SF3B3: variants seen among roughly 807,000 people sequenced by gnomAD.
SF3B3 encodes SAP 130.
In SF3B3, 33 loss-of-function variants were observed where a neutral mutation model predicts 139.2. The ratio of observed to expected loss-of-function variants is 0.24; its 90% CI spans 0.18 to 0.32. SF3B3 has a LOEUF of 0.32. Ranked by LOEUF, SF3B3 falls within the 10% of genes least tolerant of loss-of-function variation. SF3B3 has a pLI of 1.00. For missense variants in SF3B3, 818 were observed against 1,509.4 expected, an observed-to-expected ratio of 0.54 and a Z score of 7.59; for synonymous variants, 596 against 563.6, an observed-to-expected ratio of 1.06 and a Z score of -0.81.
chr16:70,549,710 G>C (rs1256577271), intron 11 of SF3B3, among the ~76,000 whole-genome samples: 1 of 152,176 alleles, frequency 6.6e-6, no homozygotes, highest in African/African-American at 2.4e-5. Context: ...CGGATCATCT[G>C]AGGTCAGAGT....
At position 70,544,492 on chromosome 16, in the gene SF3B3, G is replaced by A; in HGVS notation, c.1288G>A (p.Gly430Arg). The stretch of plus-strand genomic sequence containing the variant: ...ACAGTTGTATGTGGCCTGTGGTAGG[G>A]GACCCCGATCATCTCTGAGAGTCCT... ...TPQLYVACGR[G>R]PRSSLRVLRH... Residue 430 changes from glycine to arginine, a missense_variant, in exon 10 of 26, where the codon GGA becomes AGA. Coordinates refer to ENST00000302516, the MANE Select transcript of SF3B3 (RefSeq NM_012426.5). 1 of 1,612,820 alleles carries A rather than the reference G, an allele frequency of 6.2e-7. No individual in the cohort carries two copies. Among genetic ancestry groups the A allele is most frequent in the Non-Finnish European group, 8.5e-7 (1 of 1,178,846 alleles).
chr16:70,572,226 A>G lies in SF3B3; in HGVS notation c.*413A>G. 2.3e-6 allele frequency: 1 copy of G among 436,154 alleles called. No homozygotes were observed. Among genetic ancestry groups the G allele is most frequent in the Non-Finnish European group, 4.6e-6 (1 of 217,886 alleles). The allele number at this position is 436,154 out of a possible 1,614,324, so 27.0% of individuals were successfully genotyped here. A position where few individuals can be genotyped will look rare whatever the true frequency, so the allele number is the denominator to read the frequency against. On this transcript the variant is annotated 3_prime_UTR_variant, in exon 26 of 26. Transcript: ENST00000302516. Reference sequence around the variant, plus strand: ...GAGGCAGGCTGTGGTGGGACTGGGTAGGGTATAGTATCACTCCTGAGTTCC... The same window carrying G: ...GAGGCAGGCTGTGGTGGGACTGGGTGGGGTATAGTATCACTCCTGAGTTCC...
intron 2 of SF3B3, among the ~76,000 whole-genome samples, chr16:70,527,182 TTAGG>T (rs2050072545): frequency 6.6e-6 from 1 of 152,158 alleles, no homozygotes; most frequent in South Asian, 2.1e-4. Flanking sequence ...AAAATGCAGT[TTAGG>T]TAGGGAGTGC....
chr16:70,527,883 C>G (rs1039393281), intron 2 of SF3B3, among the ~76,000 whole-genome samples: 6 of 152,256 alleles, frequency 3.9e-5, no homozygotes, highest in Middle Eastern at 3.4e-3. Flanking sequence ...TCAAGCGATT[C>G]TCCTGCCTCA....
chr16:70,530,296 G>C (rs1292284973), intron 3 of SF3B3, among the ~76,000 whole-genome samples: 2 of 149,850 alleles, frequency 1.3e-5, no homozygotes, highest in African/African-American at 4.9e-5. Flanking sequence ...ACTGTGCCCA[G>C]CTCCACTATT....
Position 70,565,441 on chromosome 16 carries a change from C to G in SF3B3, c.2743C>G (p.Leu915Val). 2 of 1,614,158 alleles carry G rather than the reference C, an allele frequency of 1.2e-6. No homozygotes were observed. Among genetic ancestry groups the G allele is most frequent in the South Asian group, 2.2e-5 (2 of 91,078 alleles). Reference protein sequence around the residue: ...VLVGVAKDLILNPRSVAGGFV... With the variant: ...VLVGVAKDLIVNPRSVAGGFV... ...GGTGGGTGTGGCCAAGGACCTGATACTAAACCCCCGATCTGTGGCAGGGGG... is the reference window on the plus strand; with the variant it reads ...GGTGGGTGTGGCCAAGGACCTGATAGTAAACCCCCGATCTGTGGCAGGGGG... The change falls in exon 20 of 26, where the codon CTA becomes GTA. Residue 915 changes from leucine to valine, a missense_variant. Leu to Val is a conservative substitution (Grantham distance 32, BLOSUM62 1). Around this residue, in one of 14 missense-constraint regions of SF3B3, gnomAD observed 145 missense variants for 153.6 expected, o/e 0.94. Transcript: ENST00000302516.
intron 7 of SF3B3, 69 bp downstream of exon 7, chr16:70,538,529 T>G: frequency 1.5e-6 from 2 of 1,350,280 alleles, no homozygotes; most frequent in Non-Finnish European, 2.0e-6. Flanking sequence ...GGTAATACTT[T>G]ACAAGTTAAA....
intron 1 of SF3B3, among the ~76,000 whole-genome samples, chr16:70,526,286 C>T (rs983380647): frequency 2.0e-5 from 3 of 152,022 alleles, no homozygotes; most frequent in Non-Finnish European, 4.4e-5. Context: ...TGGCTCACCA[C>T]AACCTCCGCC....
chr16:70,538,646 G>T (rs555672857), intron 7 of SF3B3, among the ~76,000 whole-genome samples, 186 bp downstream of exon 7: 29 of 152,204 alleles, frequency 1.9e-4, no homozygotes, highest in Non-Finnish European at 3.2e-4. Context: ...CAATATAAGA[G>T]CGGCAATGCC....
At position 70,561,537 on chromosome 16, in the gene SF3B3, CT is replaced by C. The variant is rs2050428930; in HGVS notation, c.2134-92del. The stretch of plus-strand genomic sequence containing the variant: ...AGAATATCTTAGGATACTCTGCAGA[CT>C]GAAATTTGGGGATAGGGCTTTTGGT... On this transcript the variant is annotated intron_variant, in intron 16 of 25. Coordinates refer to ENST00000302516, the MANE Select transcript of SF3B3 (RefSeq NM_012426.5). The C allele has an allele frequency of 6.5e-6, 7 of 1,074,834 alleles. 1 individual carries two copies. Among genetic ancestry groups the C allele is most frequent in the Non-Finnish European group, 4.1e-6 (3 of 724,540 alleles). The allele number at this position is 1,074,834 out of a possible 1,614,324, so 66.6% of individuals were successfully genotyped here. A position where few individuals can be genotyped will look rare whatever the true frequency, so the allele number is the denominator to read the frequency against.
intron 24 of SF3B3, among the ~76,000 whole-genome samples, 197 bp downstream of exon 24, chr16:70,570,346 T>TTTG (rs1478484270): frequency 2.0e-5 from 3 of 149,116 alleles, no homozygotes; most frequent in Non-Finnish European, 1.5e-5. Context: ...TTTTTTTTTT[T>TTTG]TTTTGCGACG....
Position 70,538,137 on chromosome 16 carries a change from ATTAGATATTT to A in SF3B3, c.826-185_826-176del, listed in dbSNP as rs1274190250. The A allele has an allele frequency of 5.5e-6, 4 of 731,716 alleles. No homozygotes were observed. In the Admixed American group the frequency reaches 7.2e-5, roughly 13 times the overall value. 45.3% of individuals were successfully genotyped at this position (731,716 alleles called of 1,614,324 possible). On this transcript the variant is annotated intron_variant, in intron 6 of 25. Transcript: ENST00000302516. ...GGACTCTTTTGGTTACCCAGATTTT[ATTAGATATTT>A]ATATTAGAATTTTGAGCTGTGGGGT...
intron 20 of SF3B3, 96 bp from the exon 21 acceptor site, chr16:70,567,315 T>C: frequency 7.4e-7 from 1 of 1,344,608 alleles, no homozygotes; most frequent in Non-Finnish European, 1.0e-6. Flanking sequence ...TTCTTAATGA[T>C]AGGCTCCTGT....
intron 20 of SF3B3, 90 bp from the exon 21 acceptor site, chr16:70,567,321 C>T: frequency 1.4e-6 from 2 of 1,388,128 alleles, no homozygotes; most frequent in Non-Finnish European, 2.0e-6. Flanking sequence ...ATGATAGGCT[C>T]CTGTGGAAGT....
chr16:70,562,313 G>A (rs180819414), intron 17 of SF3B3, among the ~76,000 whole-genome samples: 4 of 152,216 alleles, frequency 2.6e-5, no homozygotes, highest in Non-Finnish European at 4.4e-5. Flanking sequence ...CAGGTTTTGG[G>A]GGGCTTTTAA....
intron 15 of SF3B3, 187 bp from the exon 16 acceptor site, chr16:70,560,282 G>T: frequency 2.1e-6 from 1 of 468,110 alleles, no homozygotes; most frequent in South Asian, 3.4e-5. Flanking sequence ...CATAACTTTG[G>T]ATGATTAAGT....
At chr16:70,534,912 G>A (rs1248464242) in intron 5 of SF3B3, among the ~76,000 whole-genome samples, 2 of 152,056 alleles carry the variant, frequency 1.3e-5, no homozygotes, top group Non-Finnish European at 2.9e-5. Flanking sequence ...CAGGTGATCT[G>A]CCTTTGGTCT....
At position 70,570,032 on chromosome 16, in the gene SF3B3, C is replaced by T. The variant is rs371932622; in HGVS notation, c.3291C>T (p.Val1097=). The change falls in exon 24 of 26, where the codon GTC becomes GTT. Residue 1097 remains valine, a synonymous_variant. Transcript: ENST00000302516. Reference sequence around the variant, plus strand: ...CAGAGGTGATCATGAACTACCATGTCGGGGAGACGGTGCTGTCCTTGCAGA... The same window carrying T: ...CAGAGGTGATCATGAACTACCATGTTGGGGAGACGGTGCTGTCCTTGCAGA... The part of the protein sequence containing the change: ...QKAEVIMNYH[V]GETVLSLQKT... 8.9e-5 allele frequency: 143 copies of T among 1,613,886 alleles called. No individual in the cohort carries two copies. The highest frequency in any genetic ancestry group is 1.1e-4 in the Non-Finnish European group (135 of 1,179,986).
chr16:70,572,086 C>A lies in SF3B3; in HGVS notation c.*273C>A. 1.6e-6 allele frequency: 1 copy of A among 609,288 alleles called. No individual in the cohort carries two copies. The highest frequency in any genetic ancestry group is 3.1e-6 in the Non-Finnish European group (1 of 325,608). The allele number at this position is 609,288 out of a possible 1,614,324, so 37.7% of individuals were successfully genotyped here. A position where few individuals can be genotyped will look rare whatever the true frequency, so the allele number is the denominator to read the frequency against. On this transcript the variant is annotated 3_prime_UTR_variant, in exon 26 of 26. Coordinates refer to ENST00000302516, the MANE Select transcript of SF3B3 (RefSeq NM_012426.5). ...AACCTGAGTCCCCCATTCCCCAAAG[C>A]CATCCCTGCATTGATATGTCTTGAC...
Sources: allele counts gnomAD v4.1 joint callset (sites outside exome capture counted in the v4.1 genomes callset), GRCh38; gene constraint gnomAD v4.1.1; regional missense constraint gnomAD v4.1.1; transcripts MANE v1.5; gene names NCBI Gene and HGNC (gene_info 2026-07-23, HGNC 2026-07-21).